ANO3: variants seen among roughly 807,000 people sequenced by gnomAD.
ANO3 encodes anoctamin-3.
Under a neutral mutation model 144.8 loss-of-function variants are expected in ANO3, and 99 were observed. That is an observed-to-expected ratio of 0.68 (90% CI 0.58 to 0.81). ANO3 has a LOEUF of 0.81. Among genes scored for constraint, ANO3 ranks in the 30% least tolerant of loss-of-function variants. ANO3 has a pLI of 0.00. For synonymous variants in ANO3, 414 were observed against 392.6 expected, an observed-to-expected ratio of 1.05 and a Z score of -0.64; for missense variants, 905 against 1,202.2, an observed-to-expected ratio of 0.75 and a Z score of 3.66.
At chr11:26,607,300 C>T (rs61878594) in intron 17 of ANO3, among the ~76,000 whole-genome samples, 4,698 of 152,178 alleles carry the variant, frequency 0.031, 105 homozygotes, top group Non-Finnish European at 0.049. Context: ...TATGTGTCTT[C>T]GGGTTAATCC....
At chr11:26,614,741 C>G (rs184744628) in intron 17 of ANO3, among the ~76,000 whole-genome samples, 1 of 152,136 alleles carries the variant, frequency 6.6e-6, no homozygotes, top group Non-Finnish European at 1.5e-5. Context: ...AGAAGTCCCC[C>G]TGACTCTGAG....
chr11:26,327,463 A>T (rs1418956629), upstream of ANO3, among the ~76,000 whole-genome samples: 1 of 152,176 alleles, frequency 6.6e-6, no homozygotes, highest in African/African-American at 2.4e-5. Context: ...AAGAAATGTC[A>T]TTGCTCCCTG....
At chr11:26,295,515 CAAAAAA>C (rs71047842) in intron 1 of ANO3, among the ~76,000 whole-genome samples, 17,291 of 65,166 alleles carry the variant, frequency 0.27, 785 homozygotes, top group African/African-American at 0.31. Flanking sequence ...GACTCTGTCT[CAAAAAA>C]AAAAAAAAAA....
At chr11:26,319,510 CAGT>C (rs1854708665) in intron 1 of ANO3, among the ~76,000 whole-genome samples, 1 of 152,166 alleles carries the variant, frequency 6.6e-6, no homozygotes, top group Non-Finnish European at 1.5e-5. Flanking sequence ...AAAAATGACT[CAGT>C]AAACACCTTG....
intron 14 of ANO3, among the ~76,000 whole-genome samples, chr11:26,562,757 C>G (rs1850344356): frequency 1.3e-5 from 2 of 151,884 alleles, no homozygotes; most frequent in Admixed American, 1.3e-4. Flanking sequence ...ACTTAATGAT[C>G]TAACAATGGC....
chr11:26,460,247 A>T (rs1590379853), intron 3 of ANO3: 2 of 302,890 alleles, frequency 6.6e-6, no homozygotes, highest in East Asian at 2.0e-4. Context: ...TCTGTTAATA[A>T]GCATTTATTG....
intron 3 of ANO3, among the ~76,000 whole-genome samples, chr11:26,454,268 A>G (rs545417190): frequency 1.2e-4 from 19 of 152,258 alleles, no homozygotes; most frequent in Non-Finnish European, 2.5e-4. Context: ...AAGACCTTCA[A>G]AAAATTAATG....
At chr11:26,229,826 A>G (rs1852350634) in intron 1 of ANO3, among the ~76,000 whole-genome samples, 1 of 152,236 alleles carries the variant, frequency 6.6e-6, no homozygotes, top group Non-Finnish European at 1.5e-5. Context: ...TAAACAATAT[A>G]TGTACCTGGA....
At chr11:26,552,367 A>G (rs1394869624) in intron 12 of ANO3, among the ~76,000 whole-genome samples, 1 of 152,054 alleles carries the variant, frequency 6.6e-6, no homozygotes, top group Admixed American at 6.6e-5. Flanking sequence ...TGCTGTAAAC[A>G]TTGCCAATTA....
At chr11:26,275,806 T>C (rs950713288) in intron 1 of ANO3, among the ~76,000 whole-genome samples, 2 of 152,124 alleles carry the variant, frequency 1.3e-5, no homozygotes, top group African/African-American at 4.8e-5. Context: ...ACCACATCAA[T>C]GTTTGAAGAT....
intron 14 of ANO3, among the ~76,000 whole-genome samples, chr11:26,589,406 C>T (rs1851378828): frequency 6.9e-6 from 1 of 144,160 alleles, no homozygotes; most frequent in African/African-American, 2.6e-5. Flanking sequence ...CTCAGTACCC[C>T]AATTTTCTTT....
chr11:26,277,976 A>ATTTTG (rs1853593986), intron 1 of ANO3, among the ~76,000 whole-genome samples: 2 of 152,050 alleles, frequency 1.3e-5, no homozygotes, highest in Non-Finnish European at 2.9e-5. Context: ...TTAATTCAAT[A>ATTTTG]TATGGTTTTC....
At chr11:26,289,587 G>A (rs12793176) in intron 1 of ANO3, among the ~76,000 whole-genome samples, 12 of 95,670 alleles carry the variant, frequency 1.3e-4, no homozygotes, top group Non-Finnish European at 1.9e-4. Context: ...TATCCTATAT[G>A]TGTGTATATG....
intron 17 of ANO3, among the ~76,000 whole-genome samples, chr11:26,613,115 C>G (rs1489831866): frequency 1.3e-5 from 2 of 152,102 alleles, no homozygotes; most frequent in Non-Finnish European, 2.9e-5. Context: ...TCTTCTCTCT[C>G]TAATAATCCT....
At chr11:26,306,192 T>C (rs1854378821), upstream of ANO3, among the ~76,000 whole-genome samples, 1 of 150,778 alleles carries the variant, frequency 6.6e-6, no homozygotes, top group South Asian at 2.1e-4. Flanking sequence ...GCCAGGATGG[T>C]CTCGATCTCC....
chr11:26,616,160 A>G (rs1236003225), intron 17 of ANO3, among the ~76,000 whole-genome samples: 3 of 152,206 alleles, frequency 2.0e-5, no homozygotes, highest in Non-Finnish European at 4.4e-5. Flanking sequence ...TAAAATCAGT[A>G]CATTGATATT....
At chr11:26,537,548 C>A in intron 10 of ANO3, 87 bp downstream of exon 10, 1 of 1,135,084 alleles carries the variant, frequency 8.8e-7, no homozygotes, top group Non-Finnish European at 1.3e-6. Context: ...ATCTAGCTGT[C>A]CACTCCCAGG....
chr11:26,592,647 G>A (rs562978240), intron 14 of ANO3, among the ~76,000 whole-genome samples: 1 of 149,668 alleles, frequency 6.7e-6, no homozygotes, highest in South Asian at 2.2e-4. Flanking sequence ...GGAGCTTGGT[G>A]ATAAGGCAGG....
At chr11:26,306,572 G>A (rs1481761840), upstream of ANO3, among the ~76,000 whole-genome samples, 3 of 152,146 alleles carry the variant, frequency 2.0e-5, no homozygotes, top group Non-Finnish European at 4.4e-5. Flanking sequence ...GCTGAGGTGG[G>A]AGGATCACTG....
Sources: allele counts gnomAD v4.1 joint callset (sites outside exome capture counted in the v4.1 genomes callset), GRCh38; gene constraint gnomAD v4.1.1; transcripts MANE v1.5; gene names NCBI Gene and HGNC (gene_info 2026-07-23, HGNC 2026-07-21).